The following CEP112 variants were observed in gnomAD, a reference collection of about 807,000 sequenced individuals.
The protein encoded by CEP112 is centrosomal protein 112.
CEP112 carries 127 observed loss-of-function variants against 153.0 expected under a neutral mutation model. That is an observed-to-expected ratio of 0.83 (90% confidence interval 0.72 to 0.96). CEP112 has a LOEUF of 0.96. CEP112 is among the 40% of genes least tolerant of loss of function. CEP112 has a pLI of 0.00. For synonymous variants in CEP112, 358 were observed against 374.4 expected, an observed-to-expected ratio of 0.96 and a Z score of 0.51; for missense variants, 1,089 against 1,101.2, an observed-to-expected ratio of 0.99 and a Z score of 0.16.
intron 23 of CEP112, 145 bp from the exon 24 acceptor site, chr17:65,689,363 T>C (rs2144382678): frequency 3.5e-6 from 2 of 578,044 alleles, no homozygotes; most frequent in Admixed American, 3.2e-5. Context: ...TACCAGACTT[T>C]TGTGTGTCAG....
chr17:65,850,153 C>CAAA (rs57086665), intron 21 of CEP112, among the ~76,000 whole-genome samples: 9 of 35,686 alleles, frequency 2.5e-4, no homozygotes, highest in Admixed American at 5.2e-4. Context: ...GACTCTGTCT[C>CAAA]AAAAAAAAAA....
At chr17:65,653,504 T>G (rs2045892521) in intron 24 of CEP112, among the ~76,000 whole-genome samples, 1 of 152,042 alleles carries the variant, frequency 6.6e-6, no homozygotes, top group Non-Finnish European at 1.5e-5. Context: ...GAGCATGGCG[T>G]GTACTCTGAG....
chr17:65,695,669 T>C (rs1023233754), intron 23 of CEP112, among the ~76,000 whole-genome samples: 1 of 152,136 alleles, frequency 6.6e-6, no homozygotes, highest in African/African-American at 2.4e-5. Flanking sequence ...AAATACTAGG[T>C]CACAATGATA....
intron 20 of CEP112, among the ~76,000 whole-genome samples, chr17:65,857,094 T>C (rs1037820198): frequency 6.6e-6 from 1 of 152,254 alleles, no homozygotes; most frequent in Non-Finnish European, 1.5e-5. Flanking sequence ...ATAAAAGTTA[T>C]AGACTATTCA....
intron 18 of CEP112, among the ~76,000 whole-genome samples, chr17:65,952,832 T>C (rs2061880946): frequency 6.6e-6 from 1 of 152,186 alleles, no homozygotes; most frequent in Non-Finnish European, 1.5e-5. Flanking sequence ...TAGCATCTCA[T>C]TTTGGTTTTT....
intron 6 of CEP112, among the ~76,000 whole-genome samples, chr17:66,107,307 A>G (rs1164038610): frequency 6.6e-6 from 1 of 152,174 alleles, no homozygotes; most frequent in Non-Finnish European, 1.5e-5. Flanking sequence ...ATCAGACAAG[A>G]GGAAGAAATA....
intron 24 of CEP112, among the ~76,000 whole-genome samples, chr17:65,649,788 A>G (rs977943686): frequency 1.3e-5 from 2 of 151,662 alleles, no homozygotes; most frequent in South Asian, 4.1e-4. Flanking sequence ...GGGGCAGTTC[A>G]GCAGAGAAAA....
In CEP112 at chr17:65,635,782, A is replaced by ATAAAAAAT; in HGVS notation, c.*188_*189insATTTTTTA. Reference sequence around the variant, plus strand: ...GAAATAAAGGAATGTTAAAAAAATAACTTAGGCAGACACAAATAAAACCAC... The same window carrying ATAAAAAAT: ...GAAATAAAGGAATGTTAAAAAAATAATAAAAAATCTTAGGCAGACACAAATAAAACCAC... On this transcript the variant is annotated 3_prime_UTR_variant, in exon 27 of 27. Transcript: ENST00000535342. 1 of 587,582 alleles carries ATAAAAAAT rather than the reference A, an allele frequency of 1.7e-6. No homozygotes were observed. The highest frequency in any genetic ancestry group is 2.9e-6 in the Non-Finnish European group (1 of 339,124). 36.4% of individuals were successfully genotyped at this position (587,582 alleles called of 1,614,324 possible).
At chr17:65,893,151 A>G (rs2059532752) in intron 20 of CEP112, among the ~76,000 whole-genome samples, 1 of 152,010 alleles carries the variant, frequency 6.6e-6, no homozygotes, top group Non-Finnish European at 1.5e-5. Flanking sequence ...ACAGAGCCAC[A>G]GTTATCCAGT....
chr17:66,136,708 C>T (rs2070450963), intron 4 of CEP112, among the ~76,000 whole-genome samples: 1 of 152,178 alleles, frequency 6.6e-6, no homozygotes, highest in African/African-American at 2.4e-5. Context: ...CAGTGTGCTA[C>T]TAGCTCCAGA....
At chr17:65,949,995 C>T (rs964004738) in intron 18 of CEP112, among the ~76,000 whole-genome samples, 18 of 152,142 alleles carry the variant, frequency 1.2e-4, no homozygotes, top group African/African-American at 4.3e-4. Flanking sequence ...TCACAATACA[C>T]ATCCATCAGC....
intron 18 of CEP112, among the ~76,000 whole-genome samples, chr17:65,940,963 T>C (rs2061487826): frequency 6.6e-6 from 1 of 152,186 alleles, no homozygotes; most frequent in African/African-American, 2.4e-5. Context: ...TGTGCATGTG[T>C]GCATTTTGAT....
At chr17:65,891,578 G>A (rs182546881) in intron 20 of CEP112, among the ~76,000 whole-genome samples, 23 of 152,128 alleles carry the variant, frequency 1.5e-4, no homozygotes, top group Non-Finnish European at 2.6e-4. Context: ...CCTCACATAC[G>A]CATGCCATAT....
intron 18 of CEP112, among the ~76,000 whole-genome samples, chr17:65,950,699 C>CTATTATTATTATTATTATTAG (rs57598697): frequency 0.011 from 1,586 of 147,170 alleles, 33 homozygotes; most frequent in African/African-American, 0.029. Context: ...GGATACATTA[C>CTATTATTATTATTATTATTAG]TAGTAGTAGT....
rs551770315 is a variant in CEP112, at chr17:65,837,267, G to A, written c.2394+14537C>T. Among the ~76,000 whole-genome samples the A allele has an allele frequency of 1.3e-4, 19 of 150,464 alleles. No homozygotes were observed. In the South Asian group the frequency reaches 3.6e-3, roughly 29 times the overall value. On this transcript the variant is annotated intron_variant, in intron 21 of 26. Transcript: ENST00000535342. ...GAGCGTCTCTGCCTGGCCGCCCATC[G>A]TCTGGGATGTGAGGAGCCCCTCTGC...
At chr17:65,801,381 G>T (rs1292956652) in intron 21 of CEP112, among the ~76,000 whole-genome samples, 1 of 152,172 alleles carries the variant, frequency 6.6e-6, no homozygotes, top group Non-Finnish European at 1.5e-5. Context: ...TGATGTTGCT[G>T]TATTCTTTGA....
intron 20 of CEP112, among the ~76,000 whole-genome samples, chr17:65,880,948 G>T (rs1195945023): frequency 6.6e-6 from 1 of 152,168 alleles, no homozygotes; most frequent in Non-Finnish European, 1.5e-5. Flanking sequence ...CAGGTGTGGT[G>T]GCTCATACCT....
At position 66,066,326 on chromosome 17, in the gene CEP112, C is replaced by T. The variant is rs1044779212; in HGVS notation, c.955+452G>A. Among the ~76,000 whole-genome samples, 59 of 152,106 alleles carry T rather than the reference C, an allele frequency of 3.9e-4. 1 individual carries two copies. The highest frequency in any genetic ancestry group is 3.8e-3 in the Admixed American group (58 of 15,264). Reference sequence around the variant, plus strand: ...TTTTTTCTGTCAATCACAATACCAGCAAATACTATCAGACATAAAAGTAGA... The same window carrying T: ...TTTTTTCTGTCAATCACAATACCAGTAAATACTATCAGACATAAAAGTAGA... On this transcript the variant is annotated intron_variant, in intron 10 of 26. Coordinates refer to ENST00000535342, the MANE Select transcript of CEP112 (RefSeq NM_001199165.4).
chr17:65,730,093 T>C (rs1007236820), intron 23 of CEP112, among the ~76,000 whole-genome samples: 2 of 152,256 alleles, frequency 1.3e-5, no homozygotes, highest in African/African-American at 4.8e-5. Context: ...TCATCAAACC[T>C]TAATTGATTC....
Sources: allele counts gnomAD v4.1 joint callset (sites outside exome capture counted in the v4.1 genomes callset), GRCh38; gene constraint gnomAD v4.1.1; transcripts MANE v1.5; gene names NCBI Gene and HGNC (gene_info 2026-07-23, HGNC 2026-07-21).